ETV1: variants seen among roughly 807,000 people sequenced by gnomAD.
The protein encoded by ETV1 is ETS translocation variant 1.
A neutral mutation model predicts 62.3 loss-of-function variants in ETV1; 27 were observed. The ratio of observed to expected loss-of-function variants is 0.43; its 90% CI spans 0.32 to 0.60. The LOEUF is 0.60. Among genes scored for constraint, ETV1 ranks in the 20% least tolerant of loss-of-function variants. The probability of loss-of-function intolerance (pLI) is 0.06; values close to 1 mark genes in which losing one functional copy is unlikely to be tolerated. For synonymous variants in ETV1, 222 were observed against 199.6 expected, an observed-to-expected ratio of 1.11 and a Z score of -0.94; for missense variants, 605 against 605.8, an observed-to-expected ratio of 1.00 and a Z score of 0.01.
chr7:13,975,222 CACAGAAAGT>C (rs1379681752), intron 6 of ETV1: 1 of 152,228 alleles, frequency 6.6e-6, no homozygotes, highest in African/African-American at 2.4e-5. Context: ...TCATTTCCAT[CACAGAAAGT>C]TCTATGGGAC....
intron 6 of ETV1, among the ~76,000 whole-genome samples, chr7:13,963,165 T>C (rs1290251056): frequency 6.6e-6 from 1 of 152,166 alleles, no homozygotes; most frequent in Non-Finnish European, 1.5e-5. Flanking sequence ...AAATGGCCTA[T>C]GAAATCTAAA....
intron 9 of ETV1, among the ~76,000 whole-genome samples, chr7:13,912,574 T>C (rs528395010): frequency 6.6e-6 from 1 of 152,304 alleles, no homozygotes; most frequent in Admixed American, 6.5e-5. Flanking sequence ...AAGGCCCAAC[T>C]TGTGAACTCA....
intron 12 of ETV1, among the ~76,000 whole-genome samples, chr7:13,902,935 G>A (rs925225558): frequency 6.6e-6 from 1 of 152,296 alleles, no homozygotes; most frequent in South Asian, 2.1e-4. Flanking sequence ...TTGTTTTAGT[G>A]TCATATTCCT....
chr7:13,930,841 C>T (rs756174821), intron 9 of ETV1, among the ~76,000 whole-genome samples: 14 of 151,988 alleles, frequency 9.2e-5, no homozygotes, highest in South Asian at 6.2e-4. Context: ...CTCTCTGTCA[C>T]CCAGGCTGGA....
At chr7:13,940,528 T>C (rs961611951) in intron 6 of ETV1, among the ~76,000 whole-genome samples, 13 of 152,090 alleles carry the variant, frequency 8.5e-5, no homozygotes, top group Admixed American at 3.9e-4. Context: ...TAAGAATAGA[T>C]TCTGTAATTT....
At chr7:13,983,268 T>G (rs541066808) in intron 5 of ETV1, among the ~76,000 whole-genome samples, 1 of 152,096 alleles carries the variant, frequency 6.6e-6, no homozygotes, top group South Asian at 2.1e-4. Flanking sequence ...TTACATCAGA[T>G]ATATACTGAA....
At chr7:13,932,790 C>G (rs1389013131) in intron 8 of ETV1, among the ~76,000 whole-genome samples, 3 of 151,984 alleles carry the variant, frequency 2.0e-5, no homozygotes, top group Non-Finnish European at 2.9e-5. Flanking sequence ...GCCTAATAAC[C>G]CCCCCACTAA....
chr7:13,908,341 T>C (rs1783192470), intron 11 of ETV1, among the ~76,000 whole-genome samples: 1 of 152,162 alleles, frequency 6.6e-6, no homozygotes, highest in African/African-American at 2.4e-5. Context: ...GAGATATTTT[T>C]CTTTCTTATA....
At chr7:13,989,917 G>C, upstream of ETV1, 1 of 267,786 alleles carries the variant, frequency 3.7e-6, no homozygotes, top group Non-Finnish European at 6.9e-6. Flanking sequence ...TCTGTAACCC[G>C]CTGCTTATTG....
chr7:13,906,017 T>A (rs955094755), intron 12 of ETV1, among the ~76,000 whole-genome samples: 1 of 152,166 alleles, frequency 6.6e-6, no homozygotes, highest in Non-Finnish European at 1.5e-5. Context: ...GTTGTCCAAA[T>A]AATGATTGCT....
At chr7:13,963,505 T>G (rs1052131573) in intron 6 of ETV1, among the ~76,000 whole-genome samples, 1 of 149,318 alleles carries the variant, frequency 6.7e-6, no homozygotes, top group Admixed American at 6.6e-5. Context: ...TTAAGGTTTT[T>G]GAAAACATTT....
At chr7:13,976,029 G>A (rs1781420020) in intron 6 of ETV1, among the ~76,000 whole-genome samples, 1 of 152,190 alleles carries the variant, frequency 6.6e-6, no homozygotes, top group Non-Finnish European at 1.5e-5. Context: ...GGGAGGACTT[G>A]TATTAGCCAT....
chr7:13,927,564 T>A (rs1785577943), intron 9 of ETV1, among the ~76,000 whole-genome samples: 1 of 152,058 alleles, frequency 6.6e-6, no homozygotes, highest in South Asian at 2.1e-4. Context: ...AAAAAAGAAA[T>A]CACTGATTCA....
intron 10 of ETV1, 149 bp from the exon 11 acceptor site, chr7:13,909,849 C>T: frequency 1.5e-6 from 1 of 661,390 alleles, no homozygotes; most frequent in Non-Finnish European, 2.6e-6. Flanking sequence ...TATTTAACCT[C>T]TGTGCCTCAG....
intron 6 of ETV1, among the ~76,000 whole-genome samples, chr7:13,945,163 C>A (rs1414281602): frequency 1.3e-5 from 2 of 152,138 alleles, no homozygotes; most frequent in African/African-American, 2.4e-5. Context: ...TTCATTAGAG[C>A]TGGGTTGTAT....
At chr7:13,963,634 G>A (rs10230636) in intron 6 of ETV1, among the ~76,000 whole-genome samples, 9,345 of 151,584 alleles carry the variant, frequency 0.062, 405 homozygotes, top group South Asian at 0.16. Context: ...AAAATTCTAA[G>A]AAAAGAATGT....
At chr7:13,959,264 C>T (rs1384894649) in intron 6 of ETV1, among the ~76,000 whole-genome samples, 1 of 152,082 alleles carries the variant, frequency 6.6e-6, no homozygotes, top group Non-Finnish European at 1.5e-5. Context: ...TGACATACCA[C>T]GGTTACCTGG....
chr7:13,949,696 GA>G (rs1352694785), intron 6 of ETV1, among the ~76,000 whole-genome samples: 6 of 152,136 alleles, frequency 3.9e-5, no homozygotes, highest in African/African-American at 1.4e-4. Flanking sequence ...AGAAAGATGT[GA>G]ATTATGTCTG....
rs540220740 is a variant in ETV1, at chr7:13,920,853, G to C, written c.803-9546C>G. On this transcript the variant is annotated intron_variant, in intron 9 of 13. Transcript: ENST00000430479. ...AAAGAAATGAGGAAAACTCATATGA[G>C]ACATGCTAAGCAATAAAAGGCAAAG... Among the ~76,000 whole-genome samples the C allele has an allele frequency of 2.4e-4, 36 of 152,272 alleles. No homozygotes were observed. The South Asian group carries it at 7.5e-3, about 32-fold the overall frequency.
Sources: gnomAD v4.1 joint callset for allele counts (sites outside exome capture counted in the v4.1 genomes callset) on GRCh38, gnomAD v4.1.1 for gene constraint, MANE v1.5 for transcripts, NCBI Gene and HGNC (gene_info 2026-07-23, HGNC 2026-07-21) for gene names.